The following CATSPERE variants were observed in gnomAD, a reference collection of about 807,000 sequenced individuals.
CATSPERE encodes cation channel sperm-associated auxiliary subunit epsilon.
CATSPERE carries 93 observed loss-of-function variants against 114.1 expected under a neutral mutation model. The ratio of observed to expected loss-of-function variants is 0.81; its 90% confidence interval spans 0.69 to 0.97. The LOEUF (loss-of-function observed/expected upper bound fraction) is 0.97, where lower values mean the gene tolerates loss of function less well. CATSPERE is among the 50% of genes least tolerant of loss of function. The pLI, the probability that CATSPERE is intolerant of heterozygous loss-of-function variation, is 0.00. For missense variants in CATSPERE, 1,058 were observed against 1,131.6 expected, an observed-to-expected ratio of 0.93 and a Z score of 0.93; for synonymous variants, 341 against 384.1, an observed-to-expected ratio of 0.89 and a Z score of 1.31.
chr1:244,628,507 A>G (rs956561594), intron 20 of CATSPERE, among the ~76,000 whole-genome samples: 1 of 48,896 alleles, frequency 2.0e-5, no homozygotes, highest in Non-Finnish European at 4.6e-5. Flanking sequence ...AAACATTCAC[A>G]TAAAACCCCA....
intron 8 of CATSPERE, among the ~76,000 whole-genome samples, chr1:244,541,221 C>G (rs1032300752): frequency 6.6e-5 from 10 of 150,876 alleles, no homozygotes; most frequent in African/African-American, 2.4e-4. Context: ...GAACAGGCAA[C>G]CTACAAAATG....
rs369524557 is a variant in CATSPERE at position 244,605,723 on chromosome 1, G to T, written c.2332G>T (p.Val778Phe). The change falls in exon 18 of 22, where the codon GTT becomes TTT. Residue 778 changes from valine (V) to phenylalanine (F), a missense_variant. Transcript: ENST00000366534. ...LFDDNGYVKD[V>F]EANFIVWEIH... ...TGATGATAATGGCTATGTTAAAGAC[G>T]TTGAAGCAAATTTCATAGTGTGGGA... is the stretch of plus-strand genomic sequence containing the variant. 1 of 1,612,768 alleles carries T rather than the reference G, an allele frequency of 6.2e-7. No homozygotes were observed. Among genetic ancestry groups the T allele is most frequent in the South Asian group, 1.1e-5 (1 of 91,006 alleles).
intron 20 of CATSPERE, among the ~76,000 whole-genome samples, chr1:244,621,131 A>T (rs1262545155): frequency 0.24 from 5,767 of 24,362 alleles, 1,050 homozygotes; most frequent in Non-Finnish European, 0.32. Context: ...ATATATAAAT[A>T]TATATAAAAT....
intron 19 of CATSPERE, among the ~76,000 whole-genome samples, chr1:244,612,390 G>A (rs927762346): frequency 1.4e-5 from 2 of 147,566 alleles, no homozygotes; most frequent in African/African-American, 2.5e-5. Context: ...AAGGATGAAC[G>A]ACACCTACAT....
intron 17 of CATSPERE, among the ~76,000 whole-genome samples, chr1:244,600,371 A>AAG (rs74162774): frequency 0.6 from 86,287 of 144,450 alleles, 27,933 homozygotes; most frequent in Non-Finnish European, 0.74. Flanking sequence ...AAAAAAAAAA[A>AAG]AGAGAGAGAG....
At chr1:244,510,284 CG>C (rs1553336037) in intron 7 of CATSPERE, among the ~76,000 whole-genome samples, 1 of 152,084 alleles carries the variant, frequency 6.6e-6, no homozygotes, top group Non-Finnish European at 1.5e-5. Context: ...TCTTCATTTG[CG>C]TCAAGGAATT....
chr1:244,487,863 C>T (rs1399856431), intron 5 of CATSPERE, among the ~76,000 whole-genome samples: 3 of 152,122 alleles, frequency 2.0e-5, no homozygotes, highest in African/African-American at 7.2e-5. Flanking sequence ...TCACACTTCG[C>T]TTACAAAACA....
chr1:244,465,127 C>G (rs937661298), intron 2 of CATSPERE, among the ~76,000 whole-genome samples: 8 of 151,880 alleles, frequency 5.3e-5, no homozygotes, highest in Non-Finnish European at 1.0e-4. Context: ...CCTCTGCCTC[C>G]CGGGTTCAAG....
intron 11 of CATSPERE, among the ~76,000 whole-genome samples, chr1:244,576,274 C>T (rs1043590470): frequency 2.6e-5 from 4 of 151,932 alleles, no homozygotes; most frequent in Admixed American, 6.5e-5. Flanking sequence ...TGGGGCACCT[C>T]CTCATTAGAG....
intron 9 of CATSPERE, among the ~76,000 whole-genome samples, chr1:244,559,479 T>TA: frequency 6.6e-6 from 1 of 152,260 alleles, no homozygotes; most frequent in Admixed American, 6.5e-5. Context: ...ACATTTCAAG[T>TA]AAAAATCCCA....
intron 5 of CATSPERE, among the ~76,000 whole-genome samples, chr1:244,489,450 A>ATTTTTTTTTTTTTTTTTTTTTTTTT (rs10524749): frequency 3.5e-5 from 3 of 85,568 alleles, no homozygotes; most frequent in African/African-American, 1.4e-4. Flanking sequence ...AAGCATGCAG[A>ATTTTTTTTTTTTTTTTTTTTTTTTT]TTTTTTTTTT....
chr1:244,589,517 G>A (rs1404972933), intron 14 of CATSPERE, among the ~76,000 whole-genome samples: 1 of 151,984 alleles, frequency 6.6e-6, no homozygotes, highest in East Asian at 1.9e-4. Flanking sequence ...TTACATCTTT[G>A]CTCCTTAGAG....
At position 244,461,325 on chromosome 1, in the gene CATSPERE, G is replaced by A; in HGVS notation, c.-105G>A. On this transcript the variant is annotated 5_prime_UTR_variant, in exon 1 of 22. Coordinates refer to ENST00000366534, the MANE Select transcript of CATSPERE (RefSeq NM_001130957.2). ...CCGGCCCGCCCTGTCCAGAGGCGCCGGGACCCAGGCGCCTGCAGCCGCCCG... is the reference window on the plus strand; with the variant it reads ...CCGGCCCGCCCTGTCCAGAGGCGCCAGGACCCAGGCGCCTGCAGCCGCCCG... 5 of 1,003,962 alleles carry A rather than the reference G, an allele frequency of 5.0e-6. No individual in the cohort carries two copies. Among genetic ancestry groups the A allele is most frequent in the African/African-American group, 1.7e-5 (1 of 59,540 alleles). 62.2% of individuals were successfully genotyped at this position (1,003,962 alleles called of 1,614,324 possible).
At chr1:244,605,595 G>A in intron 17 of CATSPERE, 100 bp from the exon 18 acceptor site, 1 of 673,976 alleles carries the variant, frequency 1.5e-6, no homozygotes, top group South Asian at 2.0e-5. Flanking sequence ...AAGTGATAAA[G>A]ACAGGATTTA....
intron 10 of CATSPERE, among the ~76,000 whole-genome samples, chr1:244,564,798 G>T (rs908679822): frequency 2.0e-5 from 3 of 152,180 alleles, no homozygotes; most frequent in Non-Finnish European, 4.4e-5. Context: ...AATAGGAGTG[G>T]TGAGAGAAGG....
chr1:244,543,824 AT>A (rs1440298384), intron 8 of CATSPERE, among the ~76,000 whole-genome samples: 1 of 151,930 alleles, frequency 6.6e-6, no homozygotes, highest in African/African-American at 2.4e-5. Context: ...AAGAACTTAT[AT>A]TATGAGGTGA....
Position 244,573,368 on chromosome 1 carries a change from A to G in CATSPERE, c.1950+596A>G, listed in dbSNP as rs915487738. ...GGAGGTTGCAGTGAGCCGAGATCAC[A>G]CCACTGCACTCCAGCCTGGGTGACA... On this transcript the variant is annotated intron_variant, in intron 11 of 21. Coordinates refer to ENST00000366534, the MANE Select transcript of CATSPERE (RefSeq NM_001130957.2). This position sits in a 1 kb window ranked among gnomAD's most constrained non-coding sequence, Gnocchi z 4.0. Among the ~76,000 whole-genome samples the G allele has an allele frequency of 2.0e-5, 3 of 152,046 alleles. No individual in the cohort carries two copies. Among genetic ancestry groups the G allele is most frequent in the Non-Finnish European group, 2.9e-5 (2 of 67,994 alleles).
At position 244,603,777 on chromosome 1, in the gene CATSPERE, A is replaced by G. The variant is rs189533877; in HGVS notation, c.2304-1918A>G. ...TCCCAGTGCTTTGGGAATCAGAGGC[A>G]GGAGGGTGGTTTGAGGCCAGGTGTT... On this transcript the variant is annotated intron_variant, in intron 17 of 21. Coordinates refer to ENST00000366534, the MANE Select transcript of CATSPERE (RefSeq NM_001130957.2). 2.5e-3 allele frequency among the ~76,000 whole-genome samples: 378 copies of G among 152,162 alleles called. 5 individuals carry two copies. The highest frequency in any genetic ancestry group is 0.014 in the East Asian group (70 of 5,168).
At chr1:244,459,885 A>G (rs1666509927), upstream of CATSPERE, among the ~76,000 whole-genome samples, 1 of 152,182 alleles carries the variant, frequency 6.6e-6, no homozygotes, top group Non-Finnish European at 1.5e-5. Context: ...GACAGTTGCA[A>G]AGCAATTCCA....
Sources: gnomAD v4.1 joint callset for allele counts (sites outside exome capture counted in the v4.1 genomes callset) on GRCh38, gnomAD v4.1.1 for gene constraint, Gnocchi (gnomAD v3.1) non-coding constraint, MANE v1.5 for transcripts, NCBI Gene and HGNC (gene_info 2026-07-23, HGNC 2026-07-21) for gene names.